WDR59: variants seen among roughly 807,000 people sequenced by gnomAD.
WDR59 encodes GATOR2 complex protein WDR59.
Under a neutral mutation model 131.2 loss-of-function variants are expected in WDR59, and 100 were observed. The ratio of observed to expected loss-of-function variants is 0.76; its 90% CI spans 0.65 to 0.90. WDR59 has a LOEUF of 0.90. WDR59 is among the 40% of genes least tolerant of loss of function. The pLI, the probability that WDR59 is intolerant of heterozygous loss-of-function variation, is 0.00. For synonymous variants in WDR59, 601 were observed against 466.2 expected, an observed-to-expected ratio of 1.29 and a Z score of -3.72; for missense variants, 1,203 against 1,262.2, an observed-to-expected ratio of 0.95 and a Z score of 0.71.
chr16:74,927,695 CA>C (rs2030972417), intron 8 of WDR59, among the ~76,000 whole-genome samples: 1 of 150,274 alleles, frequency 6.7e-6, no homozygotes, highest in African/African-American at 2.4e-5. Flanking sequence ...CACACACACA[CA>C]CACACACACA....
At chr16:74,964,360 C>T (rs997615906) in intron 2 of WDR59, among the ~76,000 whole-genome samples, 1 of 134,122 alleles carries the variant, frequency 7.5e-6, no homozygotes, top group African/African-American at 3.0e-5. Flanking sequence ...GCCTGGGCAA[C>T]AAGAGCGAAA....
intron 7 of WDR59, among the ~76,000 whole-genome samples, chr16:74,938,855 A>T (rs2032007089): frequency 6.6e-6 from 1 of 151,498 alleles, no homozygotes; most frequent in African/African-American, 2.4e-5. Flanking sequence ...TTAACAGTGC[A>T]GTCTGACAAT....
At chr16:74,894,008 C>A in intron 18 of WDR59, 196 bp from the exon 19 acceptor site, 1 of 563,138 alleles carries the variant, frequency 1.8e-6, no homozygotes, top group Non-Finnish European at 3.0e-6. Flanking sequence ...GGAAAATAAG[C>A]ACCTACTGCC....
intron 3 of WDR59, among the ~76,000 whole-genome samples, chr16:74,953,335 TG>T (rs1451461988): frequency 6.6e-6 from 1 of 151,930 alleles, no homozygotes; most frequent in Admixed American, 6.6e-5. Context: ...TAGCTGGGCA[TG>T]GTGGCACGTG....
At chr16:74,974,430 C>G (rs180715953) in intron 1 of WDR59, among the ~76,000 whole-genome samples, 25 of 152,204 alleles carry the variant, frequency 1.6e-4, no homozygotes, top group Non-Finnish European at 7.4e-5. Context: ...CATATACCGA[C>G]CACTACGCTA....
chr16:74,958,785 G>C (rs1040480416), intron 2 of WDR59, among the ~76,000 whole-genome samples: 1 of 151,766 alleles, frequency 6.6e-6, no homozygotes, highest in Non-Finnish European at 1.5e-5. Flanking sequence ...TAAGGAGGCC[G>C]GGCACAGTGG....
intron 7 of WDR59, among the ~76,000 whole-genome samples, chr16:74,940,340 T>A (rs4888318): frequency 0.46 from 68,636 of 150,164 alleles, 19,138 homozygotes; most frequent in Non-Finnish European, 0.63. Flanking sequence ...GAATGCGCCA[T>A]TGCACTCCAG....
At chr16:74,916,401 T>C in intron 11 of WDR59, 142 bp from the exon 12 acceptor site, 2 of 1,072,814 alleles carry the variant, frequency 1.9e-6, no homozygotes, top group Non-Finnish European at 2.7e-6. Context: ...CAAAATAGAT[T>C]TTACCCATTG....
intron 17 of WDR59, among the ~76,000 whole-genome samples, chr16:74,906,447 A>C (rs1965826890): frequency 6.6e-6 from 1 of 152,116 alleles, no homozygotes; most frequent in Non-Finnish European, 1.5e-5. Context: ...GTGACAGGGT[A>C]AATGGCACAA....
intron 25 of WDR59, 29 bp downstream of exon 25, chr16:74,885,624 G>A (rs1160554128): frequency 5.6e-6 from 9 of 1,611,338 alleles, no homozygotes; most frequent in Admixed American, 1.7e-5. Context: ...TTCAGACAGT[G>A]AAAGGAAGAG....
At position 74,885,791 on chromosome 16, in the gene WDR59, G is replaced by C; in HGVS notation, c.2551C>G (p.Leu851Val). 6.2e-7 allele frequency: 1 copy of C among 1,609,672 alleles called. No homozygotes were observed. Among genetic ancestry groups the C allele is most frequent in the Non-Finnish European group, 8.5e-7 (1 of 1,179,054 alleles). The change falls in exon 25 of 26, where the codon CTG becomes GTG. Residue 851 changes from leucine to valine, a missense_variant. Leu to Val is a conservative substitution (Grantham distance 32). Transcript: ENST00000262144. ...RDQHDKNKRL[L>V]DPANTQQFDD... Reference sequence around the variant, plus strand: ...AATTGCTGGGTATTGGCGGGGTCCAGGAGCCTGGATAAAGTTAAAAAGATT... The same window carrying C: ...AATTGCTGGGTATTGGCGGGGTCCACGAGCCTGGATAAAGTTAAAAAGATT...
At chr16:74,916,731 C>T (rs537120317) in intron 11 of WDR59, among the ~76,000 whole-genome samples, 4 of 152,044 alleles carry the variant, frequency 2.6e-5, no homozygotes, top group South Asian at 2.1e-4. Context: ...TGGTGGCGGA[C>T]GCCTACAGTC....
intron 11 of WDR59, among the ~76,000 whole-genome samples, chr16:74,917,383 T>C (rs781028844): frequency 2.6e-4 from 40 of 152,164 alleles, no homozygotes; most frequent in Admixed American, 1.8e-3. Context: ...TATCTTATGC[T>C]AGAATAAGGA....
At chr16:74,941,372 A>G (rs896018043) in intron 7 of WDR59, among the ~76,000 whole-genome samples, 9 of 149,776 alleles carry the variant, frequency 6.0e-5, no homozygotes, top group African/African-American at 1.7e-4. Flanking sequence ...GAAAATGGCC[A>G]TAAAGGAACA....
At chr16:74,919,416 C>A (rs982533410) in intron 10 of WDR59, among the ~76,000 whole-genome samples, 1 of 151,978 alleles carries the variant, frequency 6.6e-6, no homozygotes, top group African/African-American at 2.4e-5. Flanking sequence ...CTGCAACAAC[C>A]TGCACCTCCT....
chr16:74,926,911 G>T (rs62061361), intron 8 of WDR59, among the ~76,000 whole-genome samples: 3 of 152,188 alleles, frequency 2.0e-5, no homozygotes, highest in Non-Finnish European at 2.9e-5. Flanking sequence ...AAGCTGGAAT[G>T]CAAGGGAGAG....
At chr16:74,934,569 C>T (rs1239869240) in intron 8 of WDR59, among the ~76,000 whole-genome samples, 3 of 152,144 alleles carry the variant, frequency 2.0e-5, no homozygotes, top group Non-Finnish European at 4.4e-5. Context: ...GCCATTCCAT[C>T]CCCCCATTCA....
intron 1 of WDR59, among the ~76,000 whole-genome samples, chr16:74,981,312 T>G (rs1295247149): frequency 6.7e-6 from 1 of 148,544 alleles, no homozygotes; most frequent in Non-Finnish European, 1.5e-5. Flanking sequence ...GGAGGCAGAG[T>G]TTGCAGTGAG....
At chr16:74,974,949 T>C (rs890750769) in intron 1 of WDR59, among the ~76,000 whole-genome samples, 3 of 152,222 alleles carry the variant, frequency 2.0e-5, no homozygotes, top group Non-Finnish European at 4.4e-5. Context: ...ATTGTGTCCT[T>C]TTGCTGTAAT....
Sources: gnomAD v4.1 joint callset for allele counts (sites outside exome capture counted in the v4.1 genomes callset) on GRCh38, gnomAD v4.1.1 for gene constraint, MANE v1.5 for transcripts, NCBI Gene and HGNC (gene_info 2026-07-23, HGNC 2026-07-21) for gene names.